The following STAU2 variants were observed in gnomAD, a reference collection of about 807,000 sequenced individuals.
STAU2 encodes the protein double-stranded RNA-binding protein Staufen homolog 2.
In STAU2, 20 loss-of-function variants were observed where a neutral mutation model predicts 65.9. The observed-to-expected ratio is 0.30, with a 90% CI of 0.21 to 0.44. The LOEUF is 0.44. Ranked by LOEUF, STAU2 falls within the 20% of genes least tolerant of loss-of-function variation. The pLI is 1.00. For missense variants in STAU2, 558 were observed against 683.9 expected (o/e 0.82, Z 2.05); for synonymous variants, 232 against 233.9 (o/e 0.99, Z 0.07).
At chr8:73,559,553 C>T (rs1175840695) in intron 12 of STAU2, among the ~76,000 whole-genome samples, 1 of 152,180 alleles carries the variant, frequency 6.6e-6, no homozygotes, top group Non-Finnish European at 1.5e-5. Flanking sequence ...ATAGCCGGGA[C>T]CTTGTTCTCT....
intron 13 of STAU2, among the ~76,000 whole-genome samples, chr8:73,488,969 T>C (rs1242362941): frequency 6.6e-6 from 1 of 152,014 alleles, no homozygotes; most frequent in African/African-American, 2.4e-5. Flanking sequence ...CTTTCCCACA[T>C]ACTAAAAAGT....
chr8:73,633,767 G>C (rs1176825845), intron 6 of STAU2, among the ~76,000 whole-genome samples: 1 of 152,130 alleles, frequency 6.6e-6, no homozygotes, highest in Non-Finnish European at 1.5e-5. Flanking sequence ...GATCACCTGA[G>C]GCCAGGAGTT....
chr8:73,435,438 C>T (rs1817616601), intron 13 of STAU2, among the ~76,000 whole-genome samples: 1 of 151,936 alleles, frequency 6.6e-6, no homozygotes, highest in Admixed American at 6.6e-5. Context: ...TGCTCGCAGA[C>T]AGGGGTCTTA....
intron 3 of STAU2, among the ~76,000 whole-genome samples, chr8:73,710,814 A>G (rs1300084179): frequency 6.6e-6 from 1 of 152,072 alleles, no homozygotes; most frequent in Non-Finnish European, 1.5e-5. Flanking sequence ...TATAGTCACA[A>G]TAAATACAGT....
chr8:73,671,276 C>T (rs1817649501), intron 6 of STAU2, among the ~76,000 whole-genome samples: 1 of 151,606 alleles, frequency 6.6e-6, no homozygotes, highest in Non-Finnish European at 1.5e-5. Flanking sequence ...ACTAAAAATA[C>T]AAAAATTAGC....
chr8:73,521,281 G>A (rs1208629697), intron 13 of STAU2, among the ~76,000 whole-genome samples: 3 of 152,080 alleles, frequency 2.0e-5, no homozygotes, highest in Admixed American at 2.0e-4. Context: ...TTCATTAAGA[G>A]GCCTGACTTG....
intron 14 of STAU2, among the ~76,000 whole-genome samples, chr8:73,422,038 C>CTCATT (rs1166038297): frequency 9.9e-5 from 15 of 151,254 alleles, no homozygotes; most frequent in Non-Finnish European, 1.5e-5. Flanking sequence ...CTGTTCACAT[C>CTCATT]TCATTAAAGC....
At chr8:73,708,444 T>C (rs149493929) in intron 4 of STAU2, among the ~76,000 whole-genome samples, 34 of 152,292 alleles carry the variant, frequency 2.2e-4, no homozygotes, top group African/African-American at 7.7e-4. Flanking sequence ...CATGTATATA[T>C]GCAAACATAA....
At chr8:73,724,977 A>C (rs914140159) in intron 3 of STAU2, among the ~76,000 whole-genome samples, 1 of 152,150 alleles carries the variant, frequency 6.6e-6, no homozygotes, top group Non-Finnish European at 1.5e-5. Context: ...ATGAGCCACC[A>C]TGCCCAGTTA....
intron 12 of STAU2, among the ~76,000 whole-genome samples, chr8:73,572,328 A>G (rs144845672): frequency 0.8 from 121,684 of 152,134 alleles, 49,013 homozygotes; most frequent in Admixed American, 0.84. Context: ...GTACAAAGAG[A>G]AGCTGATACC....
chr8:73,657,040 C>T (rs182724601), intron 6 of STAU2, among the ~76,000 whole-genome samples: 11 of 152,228 alleles, frequency 7.2e-5, no homozygotes, highest in African/African-American at 2.6e-4. Context: ...GTTATGAATA[C>T]CTATGCACCA....
intron 3 of STAU2, among the ~76,000 whole-genome samples, chr8:73,717,701 G>A (rs1311524285): frequency 1.3e-5 from 2 of 152,200 alleles, no homozygotes; most frequent in Non-Finnish European, 2.9e-5. Flanking sequence ...AGGCTGGAGT[G>A]CAGTGGCGCG....
chr8:73,617,247 TG>T, intron 7 of STAU2, 44 bp downstream of exon 7: 1 of 1,592,972 alleles, frequency 6.3e-7, no homozygotes, highest in South Asian at 1.1e-5. Flanking sequence ...TTTGTTTCAC[TG>T]GGAAAGTAGA....
intron 6 of STAU2, among the ~76,000 whole-genome samples, chr8:73,655,074 T>A (rs985758391): frequency 2.0e-5 from 3 of 152,250 alleles, no homozygotes; most frequent in African/African-American, 7.2e-5. Context: ...AATAGCCATC[T>A]CTAACTTAGC....
In STAU2 at chr8:73,520,081, C is replaced by G. The variant is rs533443595; in HGVS notation, c.1530+31931G>C. On this transcript the variant is annotated intron_variant, in intron 13 of 14. Coordinates refer to ENST00000524300, the MANE Select transcript of STAU2 (RefSeq NM_001164380.2). Reference sequence around the variant, plus strand: ...CAGAGGGAACACACATGCAAAGATACACATGTAAGAGCATGAAATATGGTA... The same window carrying G: ...CAGAGGGAACACACATGCAAAGATAGACATGTAAGAGCATGAAATATGGTA... Among the ~76,000 whole-genome samples, 178 of 152,300 alleles carry G rather than the reference C, an allele frequency of 1.2e-3. 2 individuals are homozygous for G. Among genetic ancestry groups the G allele is most frequent in the Middle Eastern group, 6.8e-3 (2 of 294 alleles).
At position 73,626,672 on chromosome 8, in the gene STAU2, C is replaced by T. The variant is rs147402593; in HGVS notation, c.411-9221G>A. On this transcript the variant is annotated intron_variant, in intron 6 of 14. Coordinates refer to ENST00000524300, the MANE Select transcript of STAU2 (RefSeq NM_001164380.2). ...GGTCATTATATCAAGGTGGACTAGT[C>T]AGCATAGATGTTTTTCTGTAGCTTC... 1.3e-3 allele frequency among the ~76,000 whole-genome samples: 191 copies of T among 152,282 alleles called. 2 individuals carry two copies. The highest frequency in any genetic ancestry group is 4.0e-3 in the African/African-American group (167 of 41,574).
intron 13 of STAU2, among the ~76,000 whole-genome samples, chr8:73,504,723 A>C (rs1821963066): frequency 2.6e-5 from 4 of 152,044 alleles, no homozygotes; most frequent in Admixed American, 2.0e-4. Context: ...GAAAAAAAAA[A>C]CAAAACTTGT....
chr8:73,424,366 A>ATTCAGGAGGCTGAGGTAGGAGG (rs1816641032), intron 13 of STAU2, among the ~76,000 whole-genome samples: 1 of 151,584 alleles, frequency 6.6e-6, no homozygotes. Flanking sequence ...ACACCCAGCT[A>ATTCAGGAGGCTGAGGTAGGAGG]ATTTTTGTAT....
intron 12 of STAU2, among the ~76,000 whole-genome samples, chr8:73,555,857 G>A (rs1807714794): frequency 6.6e-6 from 1 of 152,030 alleles, no homozygotes; most frequent in Non-Finnish European, 1.5e-5. Context: ...CCTATTTTAT[G>A]TATTTTCTTT....
Sources: allele counts gnomAD v4.1 joint callset (sites outside exome capture counted in the v4.1 genomes callset), GRCh38; gene constraint gnomAD v4.1.1; transcripts MANE v1.5; gene names NCBI Gene and HGNC (gene_info 2026-07-23, HGNC 2026-07-21).